Variants in DPP10 observed in about 807,000 individuals in gnomAD.
DPP10 encodes dipeptidyl peptidase like 10, also known as inactive dipeptidyl peptidase 10.
DPP10 carries 33 observed loss-of-function variants against 120.9 expected under a neutral mutation model. The observed-to-expected ratio is 0.27, with a 90% confidence interval of 0.21 to 0.37. DPP10 has a LOEUF of 0.37. Among genes scored for constraint, DPP10 ranks in the 10% least tolerant of loss-of-function variants. The pLI is 1.00. For missense variants in DPP10, 816 were observed against 942.8 expected, an observed-to-expected ratio of 0.87 and a Z score of 1.76; for synonymous variants, 337 against 326.1, an observed-to-expected ratio of 1.03 and a Z score of -0.36.
At chr2:115,081,263 T>C (rs138467055) in intron 1 of DPP10, among the ~76,000 whole-genome samples, 81 of 152,306 alleles carry the variant, frequency 5.3e-4, no homozygotes, top group African/African-American at 1.8e-3. Flanking sequence ...ATTTCCTAAA[T>C]CTTGTGTTGG....
intron 1 of DPP10, among the ~76,000 whole-genome samples, chr2:114,839,831 C>T (rs1172840035): frequency 6.6e-6 from 1 of 152,098 alleles, no homozygotes; most frequent in Non-Finnish European, 1.5e-5. Context: ...GTAAAATTCT[C>T]GTTAATCTAA....
At chr2:114,580,874 C>T (rs894340310) in intron 1 of DPP10, among the ~76,000 whole-genome samples, 9 of 152,086 alleles carry the variant, frequency 5.9e-5, no homozygotes, top group Middle Eastern at 3.2e-3. Context: ...TCGAGGCTGT[C>T]AGCTCACTGC....
chr2:115,467,769 G>A (rs1472458773), intron 3 of DPP10, among the ~76,000 whole-genome samples: 1 of 152,044 alleles, frequency 6.6e-6, no homozygotes, highest in Non-Finnish European at 1.5e-5. Flanking sequence ...TGACTACAAT[G>A]GAATATTTAT....
chr2:115,282,379 A>G (rs1473428294), intron 1 of DPP10, among the ~76,000 whole-genome samples: 6 of 152,112 alleles, frequency 3.9e-5, no homozygotes, highest in Non-Finnish European at 8.8e-5. Context: ...CACCAATTTT[A>G]CATATAAAAT....
intron 1 of DPP10, among the ~76,000 whole-genome samples, chr2:114,808,914 C>A (rs536084922): frequency 1.9e-3 from 290 of 152,226 alleles, no homozygotes; most frequent in African/African-American, 6.7e-3. Context: ...ACATAAGCAC[C>A]ACATAAAATT....
chr2:115,822,637 T>C (rs184759894), intron 21 of DPP10, among the ~76,000 whole-genome samples: 80 of 152,102 alleles, frequency 5.3e-4, no homozygotes, highest in Non-Finnish European at 4.4e-5. Flanking sequence ...TGCATAGTTA[T>C]AGATATTTTT....
chr2:115,478,286 G>T (rs2075217804), intron 3 of DPP10, among the ~76,000 whole-genome samples: 1 of 152,094 alleles, frequency 6.6e-6, no homozygotes, highest in Non-Finnish European at 1.5e-5. Flanking sequence ...TTCAACAAGG[G>T]TATTGAGACC....
At chr2:115,588,928 G>T (rs2082457019) in intron 5 of DPP10, among the ~76,000 whole-genome samples, 1 of 152,278 alleles carries the variant, frequency 6.6e-6, no homozygotes, top group East Asian at 1.9e-4. Context: ...GCTCAGACTG[G>T]ATTGTACTGG....
chr2:115,453,363 C>G (rs1466671157), intron 3 of DPP10, among the ~76,000 whole-genome samples: 2 of 150,744 alleles, frequency 1.3e-5, no homozygotes, highest in Admixed American at 6.6e-5. Flanking sequence ...AATTTTTTTT[C>G]TTAGAATAAA....
chr2:115,501,195 G>A (rs35531623), intron 4 of DPP10, among the ~76,000 whole-genome samples: 32,151 of 151,696 alleles, frequency 0.21, 3,883 homozygotes, highest in East Asian at 0.39. Context: ...CTATTATGTG[G>A]CTGTGCCTCA....
intron 5 of DPP10, among the ~76,000 whole-genome samples, chr2:115,588,708 C>A (rs916184073): frequency 9.9e-5 from 15 of 152,268 alleles, no homozygotes; most frequent in African/African-American, 3.6e-4. Flanking sequence ...CTTTTTCTCC[C>A]AAACACAATT....
At chr2:114,685,369 A>G (rs1290677252) in intron 1 of DPP10, among the ~76,000 whole-genome samples, 1 of 151,884 alleles carries the variant, frequency 6.6e-6, no homozygotes, top group East Asian at 1.9e-4. Flanking sequence ...GATCCCTGCT[A>G]CTCTAAATTC....
At chr2:115,012,442 G>A (rs1702335140) in intron 1 of DPP10, among the ~76,000 whole-genome samples, 1 of 152,158 alleles carries the variant, frequency 6.6e-6, no homozygotes, top group Admixed American at 6.5e-5. Context: ...TCACTCCCCT[G>A]CTGCCTCCAC....
chr2:115,411,521 G>A (rs952219614), intron 3 of DPP10, among the ~76,000 whole-genome samples: 1 of 152,084 alleles, frequency 6.6e-6, no homozygotes, highest in Admixed American at 6.5e-5. Context: ...GAAAATTGGG[G>A]TATTTATGAA....
intron 1 of DPP10, among the ~76,000 whole-genome samples, chr2:115,213,974 T>A (rs2056668190): frequency 6.6e-6 from 1 of 152,154 alleles, no homozygotes; most frequent in South Asian, 2.1e-4. Flanking sequence ...GAAAAATGCT[T>A]TTTTTAACCC....
At chr2:114,467,613 C>T (rs1679514903) in intron 1 of DPP10, among the ~76,000 whole-genome samples, 1 of 152,122 alleles carries the variant, frequency 6.6e-6, no homozygotes, top group Admixed American at 6.5e-5. Context: ...ACAGTGCTGC[C>T]CAGGTGATAA....
At chr2:114,591,133 C>T (rs1006643068) in intron 1 of DPP10, among the ~76,000 whole-genome samples, 1 of 152,138 alleles carries the variant, frequency 6.6e-6, no homozygotes, top group East Asian at 1.9e-4. Flanking sequence ...GGTATCACAG[C>T]CCACTTAAAA....
At chr2:114,607,432 A>T (rs1374541986) in intron 1 of DPP10, among the ~76,000 whole-genome samples, 2 of 152,182 alleles carry the variant, frequency 1.3e-5, no homozygotes, top group Non-Finnish European at 2.9e-5. Flanking sequence ...ATGAAGTATG[A>T]CTGCCTCATG....
intron 5 of DPP10, among the ~76,000 whole-genome samples, chr2:115,669,779 A>G (rs1261578253): frequency 1.3e-5 from 2 of 152,160 alleles, no homozygotes; most frequent in Non-Finnish European, 2.9e-5. Flanking sequence ...CATTGCCACC[A>G]TAGCATAATC....
Sources: allele counts gnomAD v4.1 joint callset (sites outside exome capture counted in the v4.1 genomes callset), GRCh38; gene constraint gnomAD v4.1.1; transcripts MANE v1.5; gene names NCBI Gene and HGNC (gene_info 2026-07-23, HGNC 2026-07-21).